TAFA1: variants seen among roughly 807,000 people sequenced by gnomAD.
TAFA1 encodes the protein chemokine-like protein TAFA-1.
TAFA1 carries 4 observed loss-of-function variants against 18.5 expected under a neutral mutation model. The ratio of observed to expected loss-of-function variants is 0.22; its 90% CI spans 0.11 to 0.49. The LOEUF (loss-of-function observed/expected upper bound fraction) is 0.49, where lower values mean the gene tolerates loss of function less well. Among genes scored for constraint, TAFA1 ranks in the 20% least tolerant of loss-of-function variants. The probability of loss-of-function intolerance (pLI) is 0.98; values close to 1 mark genes in which losing one functional copy is unlikely to be tolerated. For synonymous variants in TAFA1, 56 were observed against 55.2 expected, an observed-to-expected ratio of 1.01 and a Z score of -0.06; for missense variants, 147 against 169.0, an observed-to-expected ratio of 0.87 and a Z score of 0.72.
At chr3:68,130,132 CT>C (rs2065519558) in intron 2 of TAFA1, among the ~76,000 whole-genome samples, 1 of 152,086 alleles carries the variant, frequency 6.6e-6, no homozygotes, top group Non-Finnish European at 1.5e-5. Context: ...AGGCATTGCC[CT>C]GGAATGAAGA....
chr3:68,003,687 C>G (rs1382172554), upstream of TAFA1, among the ~76,000 whole-genome samples: 2 of 152,098 alleles, frequency 1.3e-5, no homozygotes, highest in Non-Finnish European at 2.9e-5. Flanking sequence ...CCCACCCCAG[C>G]ATGTTATTTG....
intron 2 of TAFA1, among the ~76,000 whole-genome samples, chr3:68,382,871 T>C (rs993973184): frequency 6.6e-6 from 1 of 152,144 alleles, no homozygotes; most frequent in African/African-American, 2.4e-5. Context: ...TTGTGTCATC[T>C]CTGATGTTGT....
At chr3:68,183,308 C>T (rs1438615736) in intron 2 of TAFA1, among the ~76,000 whole-genome samples, 2 of 152,114 alleles carry the variant, frequency 1.3e-5, no homozygotes, top group Admixed American at 1.3e-4. Context: ...TCGAGCTCCT[C>T]ATTATGCCCC....
At chr3:68,534,444 CT>C (rs1165492396) in intron 3 of TAFA1, among the ~76,000 whole-genome samples, 4 of 152,064 alleles carry the variant, frequency 2.6e-5, no homozygotes, top group Non-Finnish European at 5.9e-5. Context: ...ATTTGTATGC[CT>C]TTTTTTCCTG....
At chr3:68,294,606 C>T (rs959031943) in intron 2 of TAFA1, among the ~76,000 whole-genome samples, 2 of 152,080 alleles carry the variant, frequency 1.3e-5, no homozygotes, top group East Asian at 1.9e-4. Context: ...GCTCCTGGGC[C>T]AGGCATGGTG....
chr3:68,487,538 G>A (rs1456977866), intron 3 of TAFA1, among the ~76,000 whole-genome samples: 1 of 151,968 alleles, frequency 6.6e-6, no homozygotes, highest in Admixed American at 6.6e-5. Flanking sequence ...ACAAGGTCAG[G>A]AGATCGAGAC....
At chr3:68,417,693 A>T (rs796066684) in intron 3 of TAFA1, 1 of 398,792 alleles carries the variant, frequency 2.5e-6, no homozygotes, top group African/African-American at 2.1e-5. Flanking sequence ...GCTGTGAGCA[A>T]CTGTATTAGT....
chr3:68,169,689 A>G (rs1004448381), intron 2 of TAFA1, among the ~76,000 whole-genome samples: 5 of 152,244 alleles, frequency 3.3e-5, no homozygotes, highest in African/African-American at 9.6e-5. Context: ...CTTCATGACA[A>G]TGAGTCTGTA....
At chr3:68,523,265 C>G (rs905784671) in intron 3 of TAFA1, among the ~76,000 whole-genome samples, 1 of 152,138 alleles carries the variant, frequency 6.6e-6, no homozygotes, top group African/African-American at 2.4e-5. Flanking sequence ...TGCTAGTCTT[C>G]CTATTTTTCC....
intron 2 of TAFA1, among the ~76,000 whole-genome samples, chr3:68,186,771 T>C (rs115212639): frequency 2.6e-3 from 402 of 152,196 alleles, no homozygotes; most frequent in Admixed American, 4.3e-3. Flanking sequence ...CCTGGCTCTT[T>C]AGTAAGTGCT....
intron 2 of TAFA1, among the ~76,000 whole-genome samples, chr3:68,146,943 G>A (rs2065748104): frequency 1.3e-5 from 2 of 151,984 alleles, no homozygotes; most frequent in Non-Finnish European, 2.9e-5. Flanking sequence ...TGGAAATTTG[G>A]AGATGCTGGA....
intron 2 of TAFA1, among the ~76,000 whole-genome samples, chr3:68,361,560 A>G (rs189033674): frequency 3.3e-5 from 5 of 152,126 alleles, no homozygotes; most frequent in Admixed American, 2.6e-4. Flanking sequence ...TCCTGATTTG[A>G]TCATTACACA....
At chr3:68,395,307 A>G (rs532041392) in intron 2 of TAFA1, among the ~76,000 whole-genome samples, 1 of 152,306 alleles carries the variant, frequency 6.6e-6, no homozygotes, top group Admixed American at 6.5e-5. Flanking sequence ...GCTGGAGAGG[A>G]TGTGGAGAAA....
chr3:68,021,182 T>C (rs1236916101), intron 2 of TAFA1, among the ~76,000 whole-genome samples: 3 of 21,658 alleles, frequency 1.4e-4, no homozygotes, highest in African/African-American at 2.6e-4. Flanking sequence ...CAAGACCCTG[T>C]CTCAAAAAAA....
At chr3:68,293,342 T>C (rs2068147726) in intron 2 of TAFA1, among the ~76,000 whole-genome samples, 2 of 152,060 alleles carry the variant, frequency 1.3e-5, no homozygotes, top group South Asian at 4.1e-4. Context: ...ACATTACCTC[T>C]GTAATAAAAC....
chr3:68,466,242 A>G (rs924674560), intron 3 of TAFA1, among the ~76,000 whole-genome samples: 6 of 152,236 alleles, frequency 3.9e-5, no homozygotes, highest in African/African-American at 9.6e-5. Flanking sequence ...GTAGCTGGCA[A>G]TGTTGCAGAT....
chr3:68,024,531 A>G (rs996976941), intron 2 of TAFA1, among the ~76,000 whole-genome samples: 2 of 152,136 alleles, frequency 1.3e-5, no homozygotes. Context: ...ATTAGCTAAA[A>G]TATTTGCCTT....
intron 2 of TAFA1, among the ~76,000 whole-genome samples, chr3:68,206,173 TA>T (rs914067886): frequency 6.6e-6 from 1 of 151,880 alleles, no homozygotes; most frequent in African/African-American, 2.4e-5. Flanking sequence ...ATGTCAATAT[TA>T]TGAAATAGTT....
At chr3:68,164,893 T>C (rs992876149) in intron 2 of TAFA1, among the ~76,000 whole-genome samples, 30 of 152,108 alleles carry the variant, frequency 2.0e-4, no homozygotes, top group African/African-American at 7.0e-4. Flanking sequence ...TAAGAATGTA[T>C]TTCCCCCACC....
Sources: allele counts gnomAD v4.1 joint callset (sites outside exome capture counted in the v4.1 genomes callset), GRCh38; gene constraint gnomAD v4.1.1; transcripts MANE v1.5; gene names NCBI Gene and HGNC (gene_info 2026-07-23, HGNC 2026-07-21).